The following TUBGCP2 variants were observed in gnomAD, a reference collection of about 807,000 sequenced individuals.
The protein encoded by TUBGCP2 is tubulin gamma complex component 2, also known as gamma-tubulin complex component 2.
Under a neutral mutation model 92.2 loss-of-function variants are expected in TUBGCP2, and 55 were observed. The ratio of observed to expected loss-of-function variants is 0.60; its 90% confidence interval spans 0.48 to 0.75. The LOEUF is 0.75. TUBGCP2 is among the 30% of genes least tolerant of loss of function. The probability of loss-of-function intolerance (pLI) is 0.00; values close to 1 mark genes in which losing one functional copy is unlikely to be tolerated. For synonymous variants in TUBGCP2, 533 were observed against 505.2 expected (o/e 1.06, Z -0.74); for missense variants, 1,093 against 1,188.9 (o/e 0.92, Z 1.19).
chr10:133,309,180 A>C (rs1448831468), upstream of TUBGCP2: 2 of 1,285,748 alleles, frequency 1.6e-6, no homozygotes, highest in African/African-American at 1.7e-5. Context: ...CTGGAGTGGG[A>C]GGGGCCTACG....
upstream of TUBGCP2, chr10:133,310,646 G>C: frequency 3.3e-6 from 1 of 299,878 alleles, no homozygotes; most frequent in Non-Finnish European, 6.4e-6. Flanking sequence ...CCTCGGGGCC[G>C]TGTCTGTACC....
chr10:133,309,828 C>G, upstream of TUBGCP2: 1 of 1,613,682 alleles, frequency 6.2e-7, no homozygotes, highest in East Asian at 2.2e-5. Flanking sequence ...GTTCGATGCC[C>G]TGGACGACTA....
Position 133,308,870 on chromosome 10 carries a change from A to C in TUBGCP2, c.-87T>G, listed in dbSNP as rs1367878355. 6.1e-5 allele frequency: 71 copies of C among 1,165,154 alleles called. No individual in the cohort carries two copies. The highest frequency in any genetic ancestry group is 7.0e-5 in the Non-Finnish European group (66 of 936,882). 72.2% of individuals were successfully genotyped at this position (1,165,154 alleles called of 1,614,324 possible). On this transcript the variant is annotated 5_prime_UTR_variant, in exon 1 of 18. Transcript: ENST00000252936. The stretch of plus-strand genomic sequence containing the variant: ...CCGCGCAGCCCCCGACGGCGGCGGA[A>C]GTGAGCGTGACGTCACGTCCGGCTC...
At chr10:133,310,481 G>A, upstream of TUBGCP2, 2 of 688,172 alleles carry the variant, frequency 2.9e-6, no homozygotes, top group East Asian at 2.8e-5. Context: ...GCCGAAGGGA[G>A]GCTGGAGGGG....
At chr10:133,291,799 GCGCCCTCCGTGTCCCC>G (rs1847315626) in intron 8 of TUBGCP2, among the ~76,000 whole-genome samples, 1 of 57,396 alleles carries the variant, frequency 1.7e-5, no homozygotes, top group African/African-American at 7.7e-5. Flanking sequence ...AGGGCAGCAC[GCGCCCTCCGTGTCCCC>G]CATGTCCCTC....
At chr10:133,310,564 C>T, upstream of TUBGCP2, 1 of 471,138 alleles carries the variant, frequency 2.1e-6, no homozygotes, top group South Asian at 2.1e-5. Context: ...CGCAGCGCCT[C>T]CGCACTCACA....
intron 8 of TUBGCP2, chr10:133,290,257 G>A (rs1021714586): frequency 6.0e-6 from 2 of 333,940 alleles, no homozygotes. Context: ...CACTTTGGGA[G>A]GCTGAGGTGG....
Position 133,285,777 on chromosome 10 carries a change from A to C in TUBGCP2, c.1723-149T>G, listed in dbSNP as rs1002213785. ...AATATCAGAGGCTTTTCAAAAACCC[A>C]AACATCTACTGATAAATCAAATTCA... On this transcript the variant is annotated intron_variant, in intron 11 of 17. Coordinates refer to ENST00000252936, the MANE Select transcript of TUBGCP2 (RefSeq NM_006659.4). The surrounding 1 kb of genome is among the most constrained non-coding windows in gnomAD (Gnocchi z 6.8). The C allele has an allele frequency of 1.4e-6, 1 of 712,298 alleles. No individual in the cohort carries two copies. The highest frequency in any genetic ancestry group is 2.0e-6 in the Non-Finnish European group (1 of 489,050). The allele number at this position is 712,298 out of a possible 1,614,324, so 44.1% of individuals were successfully genotyped here. A position where few individuals can be genotyped will look rare whatever the true frequency, so the allele number is the denominator to read the frequency against.
At chr10:133,297,387 G>A (rs772748437) in intron 5 of TUBGCP2, 1 of 450,278 alleles carries the variant, frequency 2.2e-6, no homozygotes, top group South Asian at 1.6e-5. Context: ...GACAGAGCGA[G>A]ATTCCATCTC....
chr10:133,310,373 CTTA>C, upstream of TUBGCP2: 1 of 1,550,354 alleles, frequency 6.5e-7, no homozygotes, highest in Non-Finnish European at 8.8e-7. Flanking sequence ...GACGGTCAGA[CTTA>C]TTAAGCACTT....
At chr10:133,294,941 G>A (rs1847455030) in intron 5 of TUBGCP2, among the ~76,000 whole-genome samples, 1 of 152,204 alleles carries the variant, frequency 6.6e-6, no homozygotes, top group South Asian at 2.1e-4. Context: ...CTAAAGGAGT[G>A]GGTGTGGCTT....
chr10:133,309,101 G>C (rs759671652), upstream of TUBGCP2: 5 of 1,318,764 alleles, frequency 3.8e-6, no homozygotes, highest in South Asian at 1.3e-4. Context: ...TTCGAGGTGC[G>C]TGAGCAAAAG....
At chr10:133,308,727 G>C (rs2995336) in intron 1 of TUBGCP2, 96 bp downstream of exon 1, 57,102 of 317,110 alleles carry the variant, frequency 0.18, 6,131 homozygotes, top group African/African-American at 0.35. Flanking sequence ...GGGAAGAGCC[G>C]CGTCCCGCCA....
chr10:133,298,159 G>A lies in TUBGCP2; in HGVS notation c.457-48C>T, dbSNP rs141219049. 2.4e-4 allele frequency: 381 copies of A among 1,584,470 alleles called. 1 individual carries two copies. The African/African-American group carries it at 4.4e-3, about 18-fold the overall frequency. On this transcript the variant is annotated intron_variant, in intron 4 of 17. Transcript: ENST00000252936. ...CAAAACCAGAAAGATACACTTTAGC[G>A]CAAACACTCAACTAAAGACATGCAT...
chr10:133,309,961 C>T, upstream of TUBGCP2: 1 of 1,613,172 alleles, frequency 6.2e-7, no homozygotes, highest in Non-Finnish European at 8.5e-7. Context: ...CAGATCCTGT[C>T]TGAGAGGCAG....
chr10:133,288,154 G>A lies in TUBGCP2; in HGVS notation c.1697C>T (p.Thr566Ile). 6.2e-7 allele frequency: 1 copy of A among 1,613,766 alleles called. No homozygotes were observed. The highest frequency in any genetic ancestry group is 8.5e-7 in the Non-Finnish European group (1 of 1,179,898). Residue 566 changes from threonine (T) to isoleucine (I), a missense_variant, in exon 11 of 18, where the codon ACT (threonine) becomes ATT (isoleucine). Physicochemically the swap from Thr to Ile is moderately conservative, Grantham distance 89. Coordinates refer to ENST00000252936, the MANE Select transcript of TUBGCP2 (RefSeq NM_006659.4). ...CTTGAGGTCGTCCTTGAAGGGGTCA[G>A]TGTTGGCCGTGCTCATGCGCAGCGC... ...ELALRMSTANTDPFKDDLKID... is the reference protein window; with the variant it reads ...ELALRMSTANIDPFKDDLKID...
At chr10:133,310,204 C>T (rs1259773746), upstream of TUBGCP2, 1 of 1,613,902 alleles carries the variant, frequency 6.2e-7, no homozygotes, top group African/African-American at 1.3e-5. Flanking sequence ...AAGTTCAAGA[C>T]CAGCAGAGAC....
chr10:133,279,983 C>G (rs758010866), intron 17 of TUBGCP2, 82 bp from the exon 18 acceptor site: 4 of 1,528,780 alleles, frequency 2.6e-6, no homozygotes, highest in Admixed American at 4.5e-5. Flanking sequence ...AAGGACGGTG[C>G]AGCTAGGGTG....
intron 17 of TUBGCP2, 136 bp from the exon 18 acceptor site, chr10:133,280,037 AG>A: frequency 7.3e-7 from 1 of 1,374,702 alleles, no homozygotes; most frequent in Non-Finnish European, 9.8e-7. Context: ...GGGGTGAGGA[AG>A]GACAGTGGAG....
Sources: allele counts gnomAD v4.1 joint callset (sites outside exome capture counted in the v4.1 genomes callset), GRCh38; gene constraint gnomAD v4.1.1; non-coding constraint Gnocchi (gnomAD v3.1); transcripts MANE v1.5; gene names NCBI Gene and HGNC (gene_info 2026-07-23, HGNC 2026-07-21).